WDPCP: variants seen among roughly 807,000 people sequenced by gnomAD.
WDPCP encodes WD repeat-containing and planar cell polarity effector protein fritz homolog.
Under a neutral mutation model 93.1 loss-of-function variants are expected in WDPCP, and 71 were observed. The ratio of observed to expected loss-of-function variants is 0.76; its 90% CI spans 0.63 to 0.93. WDPCP has a LOEUF of 0.93. Among genes scored for constraint, WDPCP ranks in the 40% least tolerant of loss-of-function variants. WDPCP has a pLI of 0.00. For missense variants in WDPCP, 844 were observed against 887.4 expected, an observed-to-expected ratio of 0.95 and a Z score of 0.62; for synonymous variants, 315 against 315.0, an observed-to-expected ratio of 1.00 and a Z score of 0.00.
rs115987698 is a variant in WDPCP, at chr2:63,711,771, C to T, written n.309-60933G>A. On this transcript the variant is annotated intron_variant and non_coding_transcript_variant, in intron 2 of 4. Transcript: ENST00000467687. The stretch of plus-strand genomic sequence containing the variant: ...GCAAGACACAGTTCTTAAAACGAAC[C>T]GACAAACAAACAAAACAGAAATAGC... Among the ~76,000 whole-genome samples, 1,061 of 152,098 alleles carry T rather than the reference C, an allele frequency of 7.0e-3. 13 individuals carry two copies. Among genetic ancestry groups the T allele is most frequent in the African/African-American group, 0.024 (994 of 41,486 alleles).
intron 2 of WDPCP, among the ~76,000 whole-genome samples, chr2:63,788,893 T>C (rs150578246): frequency 6.6e-6 from 1 of 152,226 alleles, no homozygotes; most frequent in Non-Finnish European, 1.5e-5. Flanking sequence ...ATCTATAGAG[T>C]ATGCCTATAA....
intron 9 of WDPCP, among the ~76,000 whole-genome samples, chr2:63,405,610 A>T (rs1183149798): frequency 1.4e-5 from 2 of 146,406 alleles, no homozygotes; most frequent in South Asian, 2.1e-4. Flanking sequence ...CCTGGAACCA[A>T]TCATCCACAT....
chr2:63,640,045 GTC>G (rs1191055167), intron 3 of WDPCP, among the ~76,000 whole-genome samples: 4 of 152,172 alleles, frequency 2.6e-5, no homozygotes, highest in Non-Finnish European at 5.9e-5. Flanking sequence ...GAGTCTCGCT[GTC>G]TCCCAGGCTG....
chr2:63,622,059 CTTTT>C, intron 3 of WDPCP: 1 of 543,848 alleles, frequency 1.8e-6, no homozygotes. Context: ...AACATTCTTT[CTTTT>C]TTCTTTTTTT....
chr2:63,300,426 T>C (rs1306956490), intron 13 of WDPCP, among the ~76,000 whole-genome samples: 1 of 152,114 alleles, frequency 6.6e-6, no homozygotes, highest in African/African-American at 2.4e-5. Flanking sequence ...AGACCTTTCA[T>C]GGAGGACTTA....
intron 2 of WDPCP, among the ~76,000 whole-genome samples, chr2:63,672,712 CTTTATTTTATTTTATTTTAT>C (rs70965140): frequency 1.3e-4 from 15 of 113,190 alleles, no homozygotes; most frequent in South Asian, 3.2e-4. Flanking sequence ...TCACTGAAGC[CTTTATTTTATTTTATTTTAT>C]TTTATTTTAT....
At chr2:63,646,839 T>A (rs1710057499) in intron 3 of WDPCP, among the ~76,000 whole-genome samples, 1 of 152,178 alleles carries the variant, frequency 6.6e-6, no homozygotes, top group Non-Finnish European at 1.5e-5. Flanking sequence ...GATCCTTTCT[T>A]TATTCTTGAT....
intron 2 of WDPCP, among the ~76,000 whole-genome samples, chr2:63,713,027 T>A (rs1420853579): frequency 6.6e-6 from 1 of 152,182 alleles, no homozygotes; most frequent in Non-Finnish European, 1.5e-5. Flanking sequence ...ACGCTGCCAC[T>A]CAGACTGTAA....
In WDPCP at chr2:63,588,331, C is replaced by G. The variant is rs1575713566; in HGVS notation, c.-60G>C. On this transcript the variant is annotated 5_prime_UTR_variant, in exon 1 of 18. Coordinates refer to ENST00000272321, the MANE Select transcript of WDPCP (RefSeq NM_015910.7). ...CTAGGTCCTCGGACCCGAGAGGGAG[C>G]GACACGCTCGCTTGGTCTCTTGGGT... The G allele has an allele frequency of 6.5e-7, 1 of 1,540,720 alleles. No homozygotes were observed. The highest frequency in any genetic ancestry group is 8.8e-7 in the Non-Finnish European group (1 of 1,136,602).
chr2:63,452,418 A>G (rs1288112496), intron 6 of WDPCP, among the ~76,000 whole-genome samples: 16 of 152,222 alleles, frequency 1.1e-4, no homozygotes, highest in Non-Finnish European at 2.1e-4. Flanking sequence ...AAGAACTACA[A>G]ACCACTACTC....
At chr2:63,588,730 G>A, upstream of WDPCP, 2 of 477,862 alleles carry the variant, frequency 4.2e-6, no homozygotes, top group South Asian at 2.2e-5. Flanking sequence ...CAAACCATCC[G>A]TTTGTTGTCG....
At chr2:63,523,430 C>T (rs1194306370) in intron 1 of WDPCP, among the ~76,000 whole-genome samples, 1 of 152,156 alleles carries the variant, frequency 6.6e-6, no homozygotes, top group Non-Finnish European at 1.5e-5. Context: ...TCCTATTAAA[C>T]ATAGCAATGG....
At chr2:63,442,913 G>A (rs1386551095) in intron 6 of WDPCP, 1 of 152,166 alleles carries the variant, frequency 6.6e-6, no homozygotes, top group African/African-American at 2.4e-5. Context: ...GTAAGTAAAT[G>A]AGGGAACTTA....
chr2:63,291,202 A>T (rs1281978884), intron 13 of WDPCP, among the ~76,000 whole-genome samples: 2 of 50,110 alleles, frequency 4.0e-5, no homozygotes, highest in Middle Eastern at 8.2e-3. Flanking sequence ...TTTTGCTTTT[A>T]AAAAAAATAC....
chr2:63,752,537 G>C, intron 2 of WDPCP: 4 of 700,506 alleles, frequency 5.7e-6, no homozygotes, highest in East Asian at 2.6e-5. Context: ...CCATTGCTCA[G>C]AATGGCTCCT....
At chr2:63,496,448 T>C (rs943528197) in intron 1 of WDPCP, among the ~76,000 whole-genome samples, 4 of 152,170 alleles carry the variant, frequency 2.6e-5, no homozygotes, top group African/African-American at 9.7e-5. Flanking sequence ...AGTTTGAAAG[T>C]CCTAAATTAA....
intron 12 of WDPCP, among the ~76,000 whole-genome samples, chr2:63,353,063 C>T (rs1433668342): frequency 1.3e-5 from 2 of 152,018 alleles, no homozygotes; most frequent in Non-Finnish European, 2.9e-5. Flanking sequence ...GGACGATGGC[C>T]CACCCGGAAG....
intron 15 of WDPCP, among the ~76,000 whole-genome samples, chr2:63,164,260 T>A (rs1250892898): frequency 6.6e-6 from 1 of 152,224 alleles, no homozygotes; most frequent in Non-Finnish European, 1.5e-5. Context: ...ATACAGTGTC[T>A]GACATGGTTT....
At chr2:63,440,450 A>G (rs957425707) in intron 6 of WDPCP, 1 of 152,312 alleles carries the variant, frequency 6.6e-6, no homozygotes, top group African/African-American at 2.4e-5. Context: ...ATCATAAACA[A>G]CACATATCAG....
Sources: gnomAD v4.1 joint callset for allele counts (sites outside exome capture counted in the v4.1 genomes callset) on GRCh38, gnomAD v4.1.1 for gene constraint, MANE v1.5 for transcripts, NCBI Gene and HGNC (gene_info 2026-07-23, HGNC 2026-07-21) for gene names.